Variants in FGF10 observed in about 807,000 individuals in gnomAD.
FGF10 encodes the protein FGF-10.
In FGF10, 2 loss-of-function variants were observed where a neutral mutation model predicts 19.8. That is an observed-to-expected ratio of 0.10 (90% CI 0.04 to 0.32). The LOEUF is 0.32. FGF10 is among the 10% of genes least tolerant of loss of function. The pLI is 1.00. For synonymous variants in FGF10, 112 were observed against 94.0 expected (o/e 1.19, Z -1.10); for missense variants, 191 against 246.3 (o/e 0.78, Z 1.50).
chr5:44,353,111 A>G (rs1741271853), intron 1 of FGF10, among the ~76,000 whole-genome samples: 1 of 151,614 alleles, frequency 6.6e-6, no homozygotes, highest in South Asian at 2.1e-4. Flanking sequence ...TATGATGATT[A>G]TGAATGAGAT....
In FGF10 at chr5:44,303,836, G is replaced by A. The variant is rs904874663; in HGVS notation, c.*1159C>T. 2 of 152,100 alleles carry A rather than the reference G, an allele frequency of 1.3e-5. No individual in the cohort carries two copies. The highest frequency in any genetic ancestry group is 4.8e-5 in the African/African-American group (2 of 41,430). The allele number at this position is 152,100 out of a possible 1,614,324, so 9.4% of individuals were successfully genotyped here. A position where few individuals can be genotyped will look rare whatever the true frequency, so the allele number is the denominator to read the frequency against. ...TACCAAATTCTTTGATAGTTCCTTTGGGAAAGATGCATTATGTGGAATTTA... is the reference window on the plus strand; with the variant it reads ...TACCAAATTCTTTGATAGTTCCTTTAGGAAAGATGCATTATGTGGAATTTA... On this transcript the variant is annotated 3_prime_UTR_variant, in exon 3 of 3. Coordinates refer to ENST00000264664, the MANE Select transcript of FGF10 (RefSeq NM_004465.2).
In FGF10 at chr5:44,300,298, G is replaced by T. The variant is rs1020424514; in HGVS notation, c.*4697C>A. On this transcript the variant is annotated 3_prime_UTR_variant, in exon 3 of 3. Coordinates refer to ENST00000264664, the MANE Select transcript of FGF10 (RefSeq NM_004465.2). ...CACTTAAACAATGAATGACATCAGG[G>T]TTTCAGATTTTTTCTATATGTCGAT... is the stretch of plus-strand genomic sequence containing the variant. 6.6e-6 allele frequency among the ~76,000 whole-genome samples: 1 copy of T among 151,878 alleles called. No individual in the cohort carries two copies. The highest frequency in any genetic ancestry group is 1.5e-5 in the Non-Finnish European group (1 of 67,986).
At chr5:44,332,978 A>G (rs1335497220) in intron 1 of FGF10, among the ~76,000 whole-genome samples, 2 of 152,130 alleles carry the variant, frequency 1.3e-5, no homozygotes, top group African/African-American at 4.8e-5. Context: ...GTTCTTGATC[A>G]CTAGCAATCT....
intron 1 of FGF10, among the ~76,000 whole-genome samples, chr5:44,353,746 T>C (rs1328229074): frequency 6.6e-6 from 1 of 151,246 alleles, no homozygotes; most frequent in East Asian, 2.0e-4. Context: ...AAGTGACCTA[T>C]CTACTAAGCC....
rs567210196 is a variant in FGF10, at chr5:44,364,520, G to A, written c.325+23838C>T. Reference sequence around the variant, plus strand: ...TGCTAGATGTGCTACAAAACCCAGGGCAGGCTCCTACCACAAAGAATTACC... The same window carrying A: ...TGCTAGATGTGCTACAAAACCCAGGACAGGCTCCTACCACAAAGAATTACC... On this transcript the variant is annotated intron_variant, in intron 1 of 2. Transcript: ENST00000264664. Among the ~76,000 whole-genome samples the A allele has an allele frequency of 1.2e-3, 175 of 151,912 alleles. 1 individual carries two copies. Among genetic ancestry groups the A allele is most frequent in the African/African-American group, 4.1e-3 (172 of 41,482 alleles).
intron 1 of FGF10, among the ~76,000 whole-genome samples, chr5:44,368,541 T>G (rs1002195129): frequency 6.6e-6 from 1 of 152,146 alleles, no homozygotes; most frequent in African/African-American, 2.4e-5. Flanking sequence ...GGTTACATAC[T>G]GCTAAATTCA....
At chr5:44,383,558 G>C (rs1561222063) in intron 1 of FGF10, among the ~76,000 whole-genome samples, 1 of 152,006 alleles carries the variant, frequency 6.6e-6, no homozygotes, top group Non-Finnish European at 1.5e-5. Context: ...CCTGACAACT[G>C]TTTCCTTAGG....
intron 1 of FGF10, 85 bp from the exon 2 acceptor site, chr5:44,310,615 GT>G: frequency 4.0e-6 from 4 of 1,009,074 alleles, no homozygotes; most frequent in Non-Finnish European, 6.0e-6. Flanking sequence ...CTATTGAGTT[GT>G]TTTTTGTGTG....
rs1195564193 is a variant in FGF10 at position 44,300,255 on chromosome 5, T to C, written c.*4740A>G. The stretch of plus-strand genomic sequence containing the variant: ...GTAAAAGACAAAGCAGGTTTTTTTC[T>C]GTTTTTTTTTTATTTTACACTTAAA... On this transcript the variant is annotated 3_prime_UTR_variant, in exon 3 of 3. Transcript: ENST00000264664. Among the ~76,000 whole-genome samples, 1 of 131,978 alleles carries C rather than the reference T, an allele frequency of 7.6e-6. No homozygotes were observed. The highest frequency in any genetic ancestry group is 1.6e-5 in the Non-Finnish European group (1 of 60,630). The allele number at this position is 131,978 out of a possible 152,430, so 86.6% of individuals were successfully genotyped here.
At chr5:44,320,144 A>G (rs1473442417) in intron 1 of FGF10, among the ~76,000 whole-genome samples, 1 of 152,188 alleles carries the variant, frequency 6.6e-6, no homozygotes, top group African/African-American at 2.4e-5. Context: ...TGATGCTAGC[A>G]CTGAGGAGCA....
At position 44,340,071 on chromosome 5, in the gene FGF10, A is replaced by G. The variant is rs569847255; in HGVS notation, c.326-29541T>C. 1.1e-4 allele frequency among the ~76,000 whole-genome samples: 17 copies of G among 152,252 alleles called. 1 individual carries two copies. Among genetic ancestry groups the G allele is most frequent in the Admixed American group, 3.3e-4 (5 of 15,270 alleles). ...AGTGACCACTTGCCACTACTAAGCC[A>G]AAGTGGCCATGAAATTTTCCATTTC... On this transcript the variant is annotated intron_variant, in intron 1 of 2. Coordinates refer to ENST00000264664, the MANE Select transcript of FGF10 (RefSeq NM_004465.2).
chr5:44,324,841 C>T (rs900110549), intron 1 of FGF10, among the ~76,000 whole-genome samples: 1 of 152,068 alleles, frequency 6.6e-6, no homozygotes, highest in East Asian at 1.9e-4. Flanking sequence ...TTAATGTAAA[C>T]ATCTATAAGG....
chr5:44,384,926 A>T (rs1180713885), intron 1 of FGF10, among the ~76,000 whole-genome samples: 1 of 152,106 alleles, frequency 6.6e-6, no homozygotes, highest in African/African-American at 2.4e-5. Flanking sequence ...TCTTTTCTAC[A>T]AATGACAACC....
chr5:44,349,552 G>A (rs1166573556), intron 1 of FGF10, among the ~76,000 whole-genome samples: 1 of 137,660 alleles, frequency 7.3e-6, no homozygotes, highest in Non-Finnish European at 1.6e-5. Flanking sequence ...GCTCTGCTAG[G>A]CTTTAGTCTC....
At chr5:44,326,540 A>G (rs1031801914) in intron 1 of FGF10, among the ~76,000 whole-genome samples, 4 of 151,772 alleles carry the variant, frequency 2.6e-5, no homozygotes, top group South Asian at 2.1e-4. Flanking sequence ...CTGGGACTAC[A>G]GGCACAAACC....
At chr5:44,312,352 G>A (rs572669595) in intron 1 of FGF10, among the ~76,000 whole-genome samples, 1 of 152,114 alleles carries the variant, frequency 6.6e-6, no homozygotes, top group African/African-American at 2.4e-5. Flanking sequence ...ACACACAGGT[G>A]GTAAGGTGAT....
chr5:44,375,597 A>C (rs1164657305), intron 1 of FGF10, among the ~76,000 whole-genome samples: 2 of 152,208 alleles, frequency 1.3e-5, no homozygotes, highest in African/African-American at 4.8e-5. Flanking sequence ...TAGAGATTAC[A>C]TGATATTATA....
intron 1 of FGF10, among the ~76,000 whole-genome samples, chr5:44,383,828 AC>A (rs1742039285): frequency 6.6e-6 from 1 of 152,064 alleles, no homozygotes; most frequent in Non-Finnish European, 1.5e-5. Context: ...GAAATAAGAT[AC>A]CAGTGGAAGC....
intron 1 of FGF10, among the ~76,000 whole-genome samples, chr5:44,379,630 C>A (rs1741943942): frequency 6.6e-6 from 1 of 152,164 alleles, no homozygotes; most frequent in Non-Finnish European, 1.5e-5. Context: ...AGCCTGGCTG[C>A]GATGACTTCT....
Sources: gnomAD v4.1 joint callset for allele counts (sites outside exome capture counted in the v4.1 genomes callset) on GRCh38, gnomAD v4.1.1 for gene constraint, MANE v1.5 for transcripts, NCBI Gene and HGNC (gene_info 2026-07-23, HGNC 2026-07-21) for gene names.